The following C16orf96 variants were observed in gnomAD, a reference collection of about 807,000 sequenced individuals.
C16orf96 encodes chromosome 16 open reading frame 96.
Under a neutral mutation model 103.6 loss-of-function variants are expected in C16orf96, and 108 were observed. The observed-to-expected ratio is 1.04, with a 90% CI of 0.89 to 1.22. The LOEUF (loss-of-function observed/expected upper bound fraction) is 1.22. Among genes scored for constraint, C16orf96 ranks in the 50% most tolerant of loss-of-function variants. The pLI is 0.00. For synonymous variants in C16orf96, 566 were observed against 593.5 expected (o/e 0.95, Z 0.67); for missense variants, 1,586 against 1,464.2 (o/e 1.08, Z -1.36).
intron 7 of C16orf96, among the ~76,000 whole-genome samples, chr16:4,583,152 C>T (rs1236478712): frequency 6.6e-6 from 1 of 151,976 alleles, no homozygotes; most frequent in Non-Finnish European, 1.5e-5. Flanking sequence ...GCAGGAGAAT[C>T]GCTTGAACCC....
At chr16:4,563,246 T>TG in intron 1 of C16orf96, 1 of 465,956 alleles carries the variant, frequency 2.1e-6, no homozygotes, top group African/African-American at 2.0e-5. Flanking sequence ...CGCTCATGAC[T>TG]GACTCGTTTG....
In C16orf96 at chr16:4,591,588, C is replaced by T. The variant is rs552962903; in HGVS notation, c.2593-78C>T. ...TTACACCGTGTAACTTCCCAGGTTG[C>T]TGCAACCCTCTTCTGGAAGGAGGCA... On this transcript the variant is annotated intron_variant, in intron 9 of 15. Coordinates refer to ENST00000444310, the MANE Select transcript of C16orf96 (RefSeq NM_001145011.2). The T allele has an allele frequency of 1.1e-4, 130 of 1,205,760 alleles. No individual in the cohort carries two copies. In the South Asian group the frequency reaches 1.4e-3, roughly 13 times the overall value. 74.7% of individuals were successfully genotyped at this position (1,205,760 alleles called of 1,614,324 possible).
At chr16:4,596,208 C>T (rs972997157) in intron 14 of C16orf96, among the ~76,000 whole-genome samples, 15 of 152,068 alleles carry the variant, frequency 9.9e-5, no homozygotes, top group East Asian at 3.9e-4. Flanking sequence ...TCCCATTGGC[C>T]GGGCACGGTG....
chr16:4,594,214 C>CT lies in C16orf96; in HGVS notation c.2868-136dup, dbSNP rs5815212. On this transcript the variant is annotated intron_variant, in intron 12 of 15. Coordinates refer to ENST00000444310, the MANE Select transcript of C16orf96 (RefSeq NM_001145011.2). Reference sequence around the variant, plus strand: ...TGTATCCATCCGCCAGGCCCCAGGCCTGCCTGGCTGTGCCAGCTAAACACA... The same window carrying CT: ...TGTATCCATCCGCCAGGCCCCAGGCCTTGCCTGGCTGTGCCAGCTAAACACA... 7.1e-3 allele frequency: 7,104 copies of CT among 1,004,378 alleles called. 366 individuals are homozygous for CT. The African/African-American group carries it at 0.1, about 15-fold the overall frequency. The allele number at this position is 1,004,378 out of a possible 1,614,324, so 62.2% of individuals were successfully genotyped here.
In C16orf96 at chr16:4,575,507, G is replaced by C; in HGVS notation, c.1027G>C (p.Glu343Gln). ...TGTGCCAGGACTGGAGCTGGGGCTG[G>C]AGCTGGAGCCTGTGCCTGCCCTGGG... Reference protein sequence around the residue: ...EPVPGLELGLELEPVPALGPV... With the variant: ...EPVPGLELGLQLEPVPALGPV... The change falls in exon 5 of 16, where the codon GAG becomes CAG. Residue 343 changes from glutamate (E) to glutamine (Q), a missense_variant. Physicochemically the swap from Glu to Gln is conservative, Grantham distance 29. Coordinates refer to ENST00000444310, the MANE Select transcript of C16orf96 (RefSeq NM_001145011.2). 2 of 1,547,066 alleles carry C rather than the reference G, an allele frequency of 1.3e-6. No individual in the cohort carries two copies. Among genetic ancestry groups the C allele is most frequent in the South Asian group, 1.2e-5 (1 of 84,012 alleles).
chr16:4,552,229 C>T (rs1450165756), upstream of C16orf96, among the ~76,000 whole-genome samples: 2 of 152,056 alleles, frequency 1.3e-5, no homozygotes, highest in African/African-American at 4.8e-5. Flanking sequence ...CGCCTGTAAT[C>T]CCAGCACTTT....
At chr16:4,581,632 C>CA (rs759216975) in intron 7 of C16orf96, among the ~76,000 whole-genome samples, 4 of 151,452 alleles carry the variant, frequency 2.6e-5, no homozygotes, top group African/African-American at 4.9e-5. Context: ...GACTCCGTCT[C>CA]AAAAAACAAA....
At chr16:4,560,905 A>ACACTTTG (rs370940344) in intron 1 of C16orf96, 13 of 152,198 alleles carry the variant, frequency 8.5e-5, no homozygotes, top group African/African-American at 3.1e-4. Flanking sequence ...TATAATCCCA[A>ACACTTTG]CACTTTGGGA....
At chr16:4,580,726 C>G (rs2141732865) in intron 7 of C16orf96, among the ~76,000 whole-genome samples, 1 of 152,104 alleles carries the variant, frequency 6.6e-6, no homozygotes, top group South Asian at 2.1e-4. Context: ...GTGGTTCACG[C>G]CTATAATCCC....
At chr16:4,558,982 G>C (rs894664547) in intron 1 of C16orf96, among the ~76,000 whole-genome samples, 53 of 152,150 alleles carry the variant, frequency 3.5e-4, no homozygotes, top group African/African-American at 1.3e-3. Context: ...CTACTCGGGA[G>C]GCTGAGGCAG....
chr16:4,557,933 G>A (rs1469793017), intron 1 of C16orf96, among the ~76,000 whole-genome samples: 1 of 152,200 alleles, frequency 6.6e-6, no homozygotes, highest in Non-Finnish European at 1.5e-5. Flanking sequence ...GCCTCCCAAA[G>A]TGCTGGGATT....
chr16:4,552,838 T>TTC (rs2059236378), upstream of C16orf96, among the ~76,000 whole-genome samples: 1 of 152,218 alleles, frequency 6.6e-6, no homozygotes, highest in Admixed American at 6.6e-5. Context: ...TTGCCAGAAC[T>TTC]TCACATTTAA....
chr16:4,571,959 C>T (rs1052941248), intron 2 of C16orf96, among the ~76,000 whole-genome samples: 1 of 151,878 alleles, frequency 6.6e-6, no homozygotes, highest in Admixed American at 6.6e-5. Flanking sequence ...AAGTGATTCT[C>T]CTGCCTGAGC....
chr16:4,594,714 A>G lies in C16orf96; in HGVS notation c.3038A>G (p.Asp1013Gly). ...TGGGCCATCCAACAGGCCGAGGTGG[A>G]CATCCTGGGCGTGGATGGGATCCTG... ...HVIDYDSAEV[D>G]ILGVDGILYK... Residue 1013 changes from aspartate to glycine, a missense_variant, in exon 14 of 16, where the codon GAC becomes GGC. Physicochemically the swap from Asp to Gly is moderately conservative, Grantham distance 94. Transcript: ENST00000444310. 2.6e-6 allele frequency: 4 copies of G among 1,551,228 alleles called. No individual in the cohort carries two copies. The highest frequency in any genetic ancestry group is 3.5e-6 in the Non-Finnish European group (4 of 1,146,926).
intron 7 of C16orf96, 62 bp from the exon 8 acceptor site, chr16:4,586,977 G>A: frequency 1.4e-6 from 2 of 1,440,578 alleles, no homozygotes; most frequent in South Asian, 2.4e-5. Flanking sequence ...AGAGGTGGGA[G>A]GTTGACATTT....
the C16orf96 span, among the ~76,000 whole-genome samples, chr16:4,547,570 G>T: frequency 3.6e-4 from 55 of 152,172 alleles, no homozygotes; most frequent in African/African-American, 1.1e-3. Flanking sequence ...GTGCTAATGG[G>T]TACAGGTTTT....
At position 4,575,731 on chromosome 16, in the gene C16orf96, G is replaced by T. The variant is rs1287302833; in HGVS notation, c.1251G>T (p.Gln417His). 1 of 1,539,024 alleles carries T rather than the reference G, an allele frequency of 6.5e-7. No individual in the cohort carries two copies. Among genetic ancestry groups the T allele is most frequent in the Non-Finnish European group, 8.8e-7 (1 of 1,141,306 alleles). The stretch of plus-strand genomic sequence containing the variant: ...ACTTAGGTGTCCTGCGGCCAACTCA[G>T]CCCCAACCCTCCAGGGCCCCACCAC... ...LWDLGVLRPTQPQPSRAPPPA... is the reference protein window; with the variant it reads ...LWDLGVLRPTHPQPSRAPPPA... The change falls in exon 5 of 16, where the codon CAG becomes CAT. Residue 417 changes from glutamine (Q) to histidine (H), a missense_variant. By Grantham distance (24) the Gln-to-His change is conservative. Transcript: ENST00000444310.
chr16:4,567,908 G>T (rs2059398885), intron 1 of C16orf96, among the ~76,000 whole-genome samples: 1 of 151,422 alleles, frequency 6.6e-6, no homozygotes, highest in Admixed American at 6.6e-5. Context: ...ATGTTGGCCA[G>T]GATGGTCTCG....
intron 12 of C16orf96, among the ~76,000 whole-genome samples, chr16:4,594,095 G>A (rs996168260): frequency 6.6e-6 from 1 of 152,206 alleles, no homozygotes; most frequent in Non-Finnish European, 1.5e-5. Flanking sequence ...GAGATTAGAA[G>A]GACACGCTCT....
Sources: gnomAD v4.1 joint callset for allele counts (sites outside exome capture counted in the v4.1 genomes callset) on GRCh38, gnomAD v4.1.1 for gene constraint, MANE v1.5 for transcripts, NCBI Gene and HGNC (gene_info 2026-07-23, HGNC 2026-07-21) for gene names.